The following CHD1L variants were observed in gnomAD, a reference collection of about 807,000 sequenced individuals.
CHD1L encodes the protein ATP-dependent chromatin remodeler CHD1L.
A neutral mutation model predicts 115.9 loss-of-function variants in CHD1L; 118 were observed. That is an observed-to-expected ratio of 1.02 (90% confidence interval 0.88 to 1.19). The LOEUF is 1.19. CHD1L is among the 50% of genes most tolerant of loss of function. CHD1L has a pLI of 0.00. For missense variants in CHD1L, 1,179 were observed against 1,065.3 expected, an observed-to-expected ratio of 1.11 and a Z score of -1.49; for synonymous variants, 411 against 387.1, an observed-to-expected ratio of 1.06 and a Z score of -0.72.
At chr1:147,263,273 T>C (rs1672631381) in intron 6 of CHD1L, among the ~76,000 whole-genome samples, 1 of 151,546 alleles carries the variant, frequency 6.6e-6, no homozygotes, top group Admixed American at 6.6e-5. Context: ...ATAAGAAAAT[T>C]TAAGAAATTA....
At chr1:147,190,152 A>G in the CHD1L span, 9 of 1,473,048 alleles carry the variant, frequency 6.1e-6, no homozygotes, top group South Asian at 5.8e-5. Context: ...ATGTAACCAT[A>G]TATCTTCCTG....
intron 19 of CHD1L, among the ~76,000 whole-genome samples, chr1:147,289,897 A>G (rs1684832935): frequency 6.6e-6 from 1 of 152,112 alleles, no homozygotes; most frequent in Admixed American, 6.5e-5. Context: ...ACGTCACATG[A>G]TTTGTCCAGG....
At chr1:147,201,175 C>CCATTTCA in the CHD1L span, 1 of 1,612,894 alleles carries the variant, frequency 6.2e-7, no homozygotes, top group Non-Finnish European at 8.5e-7. Context: ...AGTGGCCCAG[C>CCATTTCA]GTCCTTGGAG....
At chr1:147,186,721 G>A in the CHD1L span, 1 of 1,427,044 alleles carries the variant, frequency 7.0e-7, no homozygotes, top group South Asian at 1.5e-5. Context: ...AGGGAGATGA[G>A]TTAATACAAA....
chr1:147,180,601 C>T, the CHD1L span, among the ~76,000 whole-genome samples: 1 of 152,106 alleles, frequency 6.6e-6, no homozygotes, highest in Admixed American at 6.5e-5. Flanking sequence ...TGAAAAGAGC[C>T]TTAAAATAAG....
At chr1:147,256,799 A>G (rs1670306170) in intron 5 of CHD1L, among the ~76,000 whole-genome samples, 1 of 152,222 alleles carries the variant, frequency 6.6e-6, no homozygotes, top group Admixed American at 6.5e-5. Context: ...CTGTAAAATG[A>G]GGATAATTGT....
intron 1 of CHD1L, among the ~76,000 whole-genome samples, chr1:147,250,396 G>A (rs906066144): frequency 4.6e-5 from 7 of 152,248 alleles, no homozygotes; most frequent in Non-Finnish European, 2.9e-5. Flanking sequence ...AAGAGGGTCT[G>A]CTGCCTTGTT....
At chr1:147,203,181 C>T in the CHD1L span, 1 of 601,612 alleles carries the variant, frequency 1.7e-6, no homozygotes, top group African/African-American at 1.9e-5. Flanking sequence ...ACACAAAATA[C>T]CTCTTAATGT....
rs1684137878 is a variant in CHD1L at position 147,288,334 on chromosome 1, A to AAAAAAAG, written c.2320+607_2320+608insGAAAAAA. ...TGAGACCCTGTTTCAATAAAAAAAA[A>AAAAAAAG]AAAAAAAAAAAAGAAAAAGAGAACT... On this transcript the variant is annotated intron_variant, in intron 19 of 22. Transcript: ENST00000369258. Among the ~76,000 whole-genome samples, 3 of 1,270 alleles carry AAAAAAAG rather than the reference A, an allele frequency of 2.4e-3. 1 individual carries two copies. The highest frequency in any genetic ancestry group is 0.012 in the Non-Finnish European group (3 of 258). The allele number at this position is 1,270 out of a possible 152,430, so 0.8% of individuals were successfully genotyped here. A position where few individuals can be genotyped will look rare whatever the true frequency, so the allele number is the denominator to read the frequency against.
At chr1:147,198,808 G>A in the CHD1L span, among the ~76,000 whole-genome samples, 5,407 of 131,434 alleles carry the variant, frequency 0.041, 136 homozygotes, top group South Asian at 0.11. Flanking sequence ...CCGAGATAGC[G>A]CCACTGCACT....
In CHD1L at chr1:147,285,399, C is replaced by T. The variant is rs782186694; in HGVS notation, c.1930C>T (p.Gln644Ter). The T allele has an allele frequency of 3.1e-6, 5 of 1,613,762 alleles. No homozygotes were observed. The highest frequency in any genetic ancestry group is 3.3e-5 in the Admixed American group (2 of 59,980). ...VLSPEELEDR[Q>*]KKRQEAAAKR... ...GAGTCCAGAAGAGCTGGAGGACAGACAGAAGAAAAGACAAGAAGCAGCTGC... is the reference window on the plus strand; with the variant it reads ...GAGTCCAGAAGAGCTGGAGGACAGATAGAAGAAAAGACAAGAAGCAGCTGC... The change falls in exon 17 of 23, where the codon CAG becomes TAG. Residue 644 changes from glutamine to a stop codon, truncating the protein, a stop_gained. Coordinates refer to ENST00000369258, the MANE Select transcript of CHD1L (RefSeq NM_004284.6). LOFTEE classifies it high-confidence loss of function.
intron 19 of CHD1L, among the ~76,000 whole-genome samples, chr1:147,289,861 C>T (rs1684817008): frequency 6.6e-6 from 1 of 152,200 alleles, no homozygotes; most frequent in Non-Finnish European, 1.5e-5. Flanking sequence ...TCGTTTTCAT[C>T]AGCGGCTTGG....
At chr1:147,198,567 G>A in the CHD1L span, among the ~76,000 whole-genome samples, 1 of 151,722 alleles carries the variant, frequency 6.6e-6, no homozygotes, top group Non-Finnish European at 1.5e-5. Flanking sequence ...AGATGGGCCT[G>A]AGGCCGGGTA....
At chr1:147,178,365 T>C in the CHD1L span, 1 of 1,612,210 alleles carries the variant, frequency 6.2e-7, no homozygotes, top group South Asian at 1.1e-5. Flanking sequence ...CAAAGGCTGA[T>C]TGCACTGCCA....
chr1:147,215,646 T>C, the CHD1L span: 1 of 752,438 alleles, frequency 1.3e-6, no homozygotes, highest in Non-Finnish European at 2.2e-6. Flanking sequence ...GATAAATACA[T>C]GTGCAAATCA....
chr1:147,231,803 G>T, the CHD1L span, among the ~76,000 whole-genome samples: 2 of 152,148 alleles, frequency 1.3e-5, no homozygotes, highest in Admixed American at 6.5e-5. Context: ...GGGTGGGAGT[G>T]ACCCAATTTT....
intron 7 of CHD1L, among the ~76,000 whole-genome samples, chr1:147,265,498 A>G (rs1440428754): frequency 6.6e-6 from 1 of 152,220 alleles, no homozygotes; most frequent in African/African-American, 2.4e-5. Flanking sequence ...AGGGATTTTA[A>G]GTCAAAGAGC....
intron 6 of CHD1L, among the ~76,000 whole-genome samples, chr1:147,263,100 C>G (rs1553945399): frequency 2.0e-5 from 3 of 151,782 alleles, no homozygotes; most frequent in Admixed American, 2.0e-4. Flanking sequence ...TACATACATA[C>G]ATATGTATAT....
chr1:147,215,711 G>T, the CHD1L span: 2 of 1,413,058 alleles, frequency 1.4e-6, no homozygotes, highest in Non-Finnish European at 1.9e-6. Flanking sequence ...TCATTTACTT[G>T]GCAAACAACT....
Sources: allele counts gnomAD v4.1 joint callset (sites outside exome capture counted in the v4.1 genomes callset), GRCh38; gene constraint gnomAD v4.1.1; transcripts MANE v1.5; gene names NCBI Gene and HGNC (gene_info 2026-07-23, HGNC 2026-07-21).